Variants in MYH9 observed in about 807,000 individuals in gnomAD.
MYH9 encodes the protein myosin-9.
In MYH9, 29 loss-of-function variants were observed where a neutral mutation model predicts 241.9. The ratio of observed to expected loss-of-function variants is 0.12; its 90% CI spans 0.09 to 0.16. The LOEUF is 0.16. Among genes scored for constraint, MYH9 ranks in the 10% least tolerant of loss-of-function variants. The pLI is 1.00. For missense variants in MYH9, 1,803 were observed against 2,595.5 expected (o/e 0.69, Z 6.63); for synonymous variants, 1,047 against 1,062.6 (o/e 0.99, Z 0.29).
Position 36,295,153 on chromosome 22 carries a change from A to G in MYH9, c.3486-77T>C. On this transcript the variant is annotated intron_variant, in intron 26 of 40. Transcript: ENST00000216181. The surrounding 1 kb of genome is among the most constrained non-coding windows in gnomAD (Gnocchi z 4.1). ...TGTCCCTGGGGCTCTTCCCTGACCA[A>G]AGAGAGGCCTGGCCAGGGCACAGGC... 6.2e-7 allele frequency: 1 copy of G among 1,602,234 alleles called. No homozygotes were observed. The highest frequency in any genetic ancestry group is 8.5e-7 in the Non-Finnish European group (1 of 1,171,510).
intron 1 of MYH9, among the ~76,000 whole-genome samples, chr22:36,364,402 C>T (rs1255563947): frequency 6.6e-6 from 1 of 152,106 alleles, no homozygotes; most frequent in African/African-American, 2.4e-5. Flanking sequence ...ACTCCAGGGA[C>T]CAACTCCAGT....
rs1359867775 is a variant in MYH9 at position 36,330,312 on chromosome 22, G to T, written c.491-2824C>A. Among the ~76,000 whole-genome samples, 4 of 152,172 alleles carry T rather than the reference G, an allele frequency of 2.6e-5. No homozygotes were observed. The highest frequency in any genetic ancestry group is 2.6e-4 in the Admixed American group (4 of 15,284). On this transcript the variant is annotated intron_variant, in intron 3 of 40. Transcript: ENST00000216181. This position sits in a 1 kb window ranked among gnomAD's most constrained non-coding sequence, Gnocchi z 4.5. Reference sequence around the variant, plus strand: ...AGGCCTCCTCATTGCATCTCTTACCGCACTGCTTAGTATCCTAAATCCACC... The same window carrying T: ...AGGCCTCCTCATTGCATCTCTTACCTCACTGCTTAGTATCCTAAATCCACC...
chr22:36,287,377 C>T (rs1218298368), intron 34 of MYH9, among the ~76,000 whole-genome samples: 1 of 152,148 alleles, frequency 6.6e-6, no homozygotes, highest in East Asian at 1.9e-4. Flanking sequence ...CACCAGCAAT[C>T]AGAGCATCTA....
chr22:36,381,714 A>G (rs2018258794), intron 1 of MYH9, among the ~76,000 whole-genome samples: 1 of 152,104 alleles, frequency 6.6e-6, no homozygotes, highest in African/African-American at 2.4e-5. Flanking sequence ...TTTCACTTAC[A>G]ACATAGCTTG....
intron 31 of MYH9, among the ~76,000 whole-genome samples, chr22:36,290,975 G>A (rs1364029545): frequency 1.3e-5 from 2 of 151,868 alleles, no homozygotes; most frequent in Non-Finnish European, 2.9e-5. Flanking sequence ...GAGAGGTGAG[G>A]AGCCCCTCCG....
rs980639477 is a variant in MYH9, at chr22:36,281,715, G to A, written c.*953C>T. On this transcript the variant is annotated 3_prime_UTR_variant, in exon 41 of 41. Transcript: ENST00000216181. The stretch of plus-strand genomic sequence containing the variant: ...TTATTTTGCTTTCAAAAATACCTGT[G>A]CAGGTGGCAGATTTTTAAACTATAC... 1.3e-5 allele frequency: 3 copies of A among 230,772 alleles called. No homozygotes were observed. Among genetic ancestry groups the A allele is most frequent in the Admixed American group, 1.1e-4 (2 of 17,692 alleles). 14.3% of individuals were successfully genotyped at this position (230,772 alleles called of 1,614,324 possible). A position where few individuals can be genotyped will look rare whatever the true frequency, so the allele number is the denominator to read the frequency against.
chr22:36,339,827 T>C (rs1256590967), intron 3 of MYH9, among the ~76,000 whole-genome samples: 1 of 152,102 alleles, frequency 6.6e-6, no homozygotes, highest in Non-Finnish European at 1.5e-5. Flanking sequence ...GCCAGGTACT[T>C]GGCTAAGCTC....
At chr22:36,294,898 G>T (rs2016764140) in intron 27 of MYH9, 34 bp downstream of exon 27, 1 of 1,607,536 alleles carries the variant, frequency 6.2e-7, no homozygotes, top group Non-Finnish European at 8.5e-7. Flanking sequence ...GGGGAACCCT[G>T]CCCTCCCCCT....
intron 10 of MYH9, among the ~76,000 whole-genome samples, chr22:36,318,529 C>G (rs539945057): frequency 4.4e-4 from 67 of 152,306 alleles, no homozygotes; most frequent in African/African-American, 1.3e-3. Context: ...CTAGCACCCC[C>G]CAGACTCAGC....
chr22:36,306,330 G>T lies in MYH9; in HGVS notation c.2037+84C>A. ...TCTGTGCATGCTGGGGGGCTGGAGG[G>T]GTGCTTTTGCTGGGGAGACAGACAA... On this transcript the variant is annotated intron_variant, in intron 16 of 40. Coordinates refer to ENST00000216181, the MANE Select transcript of MYH9 (RefSeq NM_002473.6). This position sits in a 1 kb window ranked among gnomAD's most constrained non-coding sequence, Gnocchi z 4.1. The T allele has an allele frequency of 1.3e-6, 2 of 1,544,890 alleles. No individual in the cohort carries two copies. The highest frequency in any genetic ancestry group is 1.8e-6 in the Non-Finnish European group (2 of 1,129,792).
Position 36,288,988 on chromosome 22 carries a change from T to C in MYH9, c.4558-49A>G. On this transcript the variant is annotated intron_variant, in intron 32 of 40. Transcript: ENST00000216181. This position sits in a 1 kb window ranked among gnomAD's most constrained non-coding sequence, Gnocchi z 4.8. Reference sequence around the variant, plus strand: ...AGGAGCAAAGGGACTGGCAGGTACCTGGGTCTGCGCGACCCGGAGTCTGTG... The same window carrying C: ...AGGAGCAAAGGGACTGGCAGGTACCCGGGTCTGCGCGACCCGGAGTCTGTG... 6.2e-7 allele frequency: 1 copy of C among 1,612,794 alleles called. No individual in the cohort carries two copies. The highest frequency in any genetic ancestry group is 8.5e-7 in the Non-Finnish European group (1 of 1,179,754).
chr22:36,285,884 C>A lies in MYH9; in HGVS notation c.5131G>T (p.Ala1711Ser), dbSNP rs757217190. Residue 1711 changes from alanine to serine, a missense_variant, in exon 36 of 41, where the codon GCC becomes TCC. Physicochemically the swap from Ala to Ser is moderately conservative, Grantham distance 99 (BLOSUM62 1). Coordinates refer to ENST00000216181, the MANE Select transcript of MYH9 (RefSeq NM_002473.6). This position sits in a 1 kb window ranked among gnomAD's most constrained non-coding sequence, Gnocchi z 7.0. ...QERDELADEIANSSGKGALAL... is the reference protein window; with the variant it reads ...QERDELADEISNSSGKGALAL... ...GCTCACCCTTTGCCGCTGCTGTTGG[C>A]GATCTCGTCAGCCAGCTCATCCCGC... 4 of 1,613,476 alleles carry A rather than the reference C, an allele frequency of 2.5e-6. No homozygotes were observed. The highest frequency in any genetic ancestry group is 1.7e-5 in the Admixed American group (1 of 60,006).
At chr22:36,303,813 A>C (rs2016926787) in intron 19 of MYH9, among the ~76,000 whole-genome samples, 182 bp downstream of exon 19, 1 of 151,816 alleles carries the variant, frequency 6.6e-6, no homozygotes, top group East Asian at 1.9e-4. Context: ...AGAAAAAAAA[A>C]AGAACTGCCC....
chr22:36,368,812 A>T (rs934374182), intron 1 of MYH9, among the ~76,000 whole-genome samples: 1 of 150,378 alleles, frequency 6.6e-6, no homozygotes, highest in Non-Finnish European at 1.5e-5. Context: ...AGCACAACAA[A>T]GGCTGCCCTG....
chr22:36,384,651 TAC>T (rs2018321529), intron 1 of MYH9, among the ~76,000 whole-genome samples: 4 of 98,330 alleles, frequency 4.1e-5, no homozygotes, highest in African/African-American at 1.6e-4. Flanking sequence ...TATATATATA[TAC>T]AGCCACTACA....
At chr22:36,303,856 CA>C in intron 19 of MYH9, 138 bp downstream of exon 19, 1 of 769,810 alleles carries the variant, frequency 1.3e-6, no homozygotes, top group South Asian at 1.7e-5. Flanking sequence ...AATCCAGGAA[CA>C]GGGGTAGGAA....
Position 36,306,693 on chromosome 22 carries a change from C to G in MYH9, c.1844-86G>C. 7.7e-7 allele frequency: 1 copy of G among 1,307,110 alleles called. No individual in the cohort carries two copies. The highest frequency in any genetic ancestry group is 1.1e-6 in the Non-Finnish European group (1 of 932,526). 81.0% of individuals were successfully genotyped at this position (1,307,110 alleles called of 1,614,324 possible). A position where few individuals can be genotyped will look rare whatever the true frequency, so the allele number is the denominator to read the frequency against. Reference sequence around the variant, plus strand: ...CACGTAGGAGAGAGAGACAGGCACACGTCGGACAGGAAAAGAGGAGACAGA... The same window carrying G: ...CACGTAGGAGAGAGAGACAGGCACAGGTCGGACAGGAAAAGAGGAGACAGA... On this transcript the variant is annotated intron_variant, in intron 15 of 40. Coordinates refer to ENST00000216181, the MANE Select transcript of MYH9 (RefSeq NM_002473.6). The surrounding 1 kb of genome is among the most constrained non-coding windows in gnomAD (Gnocchi z 4.1).
intron 15 of MYH9, among the ~76,000 whole-genome samples, chr22:36,308,581 A>C (rs2017008478): frequency 6.6e-6 from 1 of 152,106 alleles, no homozygotes; most frequent in Non-Finnish European, 1.5e-5. Flanking sequence ...GACGTCTCCA[A>C]ATTCCAGACA....
At chr22:36,359,030 A>T (rs2017897327) in intron 1 of MYH9, among the ~76,000 whole-genome samples, 1 of 152,182 alleles carries the variant, frequency 6.6e-6, no homozygotes, top group Non-Finnish European at 1.5e-5. Context: ...GCCTTCAAAG[A>T]AGGCAGAGAA....
Sources: allele counts gnomAD v4.1 joint callset (sites outside exome capture counted in the v4.1 genomes callset), GRCh38; gene constraint gnomAD v4.1.1; non-coding constraint Gnocchi (gnomAD v3.1); transcripts MANE v1.5; gene names NCBI Gene and HGNC (gene_info 2026-07-23, HGNC 2026-07-21).